Variants in LRIG2 observed in about 807,000 individuals in gnomAD.
LRIG2 encodes the protein leucine rich repeats and immunoglobulin like domains 2.
LRIG2 carries 93 observed loss-of-function variants against 107.8 expected under a neutral mutation model. The ratio of observed to expected loss-of-function variants is 0.86; its 90% CI spans 0.73 to 1.03. The LOEUF is 1.03. Among genes scored for constraint, LRIG2 ranks in the 50% least tolerant of loss-of-function variants. The probability of loss-of-function intolerance (pLI) is 0.00; values close to 1 mark genes in which losing one functional copy is unlikely to be tolerated. For synonymous variants in LRIG2, 471 were observed against 470.6 expected (o/e 1.00, Z -0.01); for missense variants, 1,226 against 1,296.0 (o/e 0.95, Z 0.83).
chr1:113,099,489 C>T (rs1319021194), intron 9 of LRIG2, among the ~76,000 whole-genome samples: 1 of 151,880 alleles, frequency 6.6e-6, no homozygotes, highest in Non-Finnish European at 1.5e-5. Flanking sequence ...ATCCTCCCAC[C>T]TTGGCCTCCC....
At chr1:113,092,337 T>A (rs1356920842) in intron 2 of LRIG2, among the ~76,000 whole-genome samples, 2 of 152,198 alleles carry the variant, frequency 1.3e-5, no homozygotes, top group Non-Finnish European at 2.9e-5. Flanking sequence ...TACTAAAACA[T>A]TTGAGACAAA....
At chr1:113,090,223 TTG>T (rs1423872685) in intron 1 of LRIG2, among the ~76,000 whole-genome samples, 2 of 152,108 alleles carry the variant, frequency 1.3e-5, no homozygotes, top group Non-Finnish European at 2.9e-5. Context: ...GTGTAAATTG[TTG>T]TGTCATTTCT....
chr1:113,080,300 T>C (rs1472931336), intron 1 of LRIG2, among the ~76,000 whole-genome samples: 1 of 152,122 alleles, frequency 6.6e-6, no homozygotes, highest in African/African-American at 2.4e-5. Flanking sequence ...ATTACAGGCG[T>C]GAGCCACTGC....
At chr1:113,123,809 G>A in intron 17 of LRIG2, 66 bp from the exon 18 acceptor site, 1 of 1,255,948 alleles carries the variant, frequency 8.0e-7, no homozygotes, top group South Asian at 1.3e-5. Flanking sequence ...ATTTCTTTGA[G>A]GATTTGGCTA....
rs1376769551 is a variant in LRIG2 at position 113,128,466 on chromosome 1, T to TTTTTCTA, written c.*4366_*4372dup. ...TTTTCTCATTTATGAAATGAGGACA[T>TTTTTCTA]TTTTCTAGATGCTGTAAAGCCCTTT... On this transcript the variant is annotated 3_prime_UTR_variant, in exon 18 of 18. Transcript: ENST00000361127. The TTTTTCTA allele has an allele frequency of 6.6e-6, 1 of 152,200 alleles. No individual in the cohort carries two copies. The highest frequency in any genetic ancestry group is 1.5e-5 in the Non-Finnish European group (1 of 68,030). The allele number at this position is 152,200 out of a possible 1,614,324, so 9.4% of individuals were successfully genotyped here.
At chr1:113,110,584 T>A (rs769099419) in intron 13 of LRIG2, 22 bp downstream of exon 13, 47 of 1,496,344 alleles carry the variant, frequency 3.1e-5, no homozygotes, top group Non-Finnish European at 3.4e-5. Flanking sequence ...TGCTCCTTGA[T>A]TTTTTTTAGT....
intron 17 of LRIG2, among the ~76,000 whole-genome samples, chr1:113,121,806 CTG>C (rs1435720665): frequency 2.6e-5 from 4 of 151,566 alleles, no homozygotes; most frequent in Non-Finnish European, 5.9e-5. Flanking sequence ...GCAAAGTATA[CTG>C]TGATACTCCC....
At chr1:113,073,783 T>C (rs1652824826) in intron 1 of LRIG2, 138 bp downstream of exon 1, 1 of 807,126 alleles carries the variant, frequency 1.2e-6, no homozygotes, top group Admixed American at 2.9e-5. Context: ...GTCAGGATTT[T>C]ATGAACTTTG....
Position 113,073,306 on chromosome 1 carries a change from G to A in LRIG2, c.-101G>A. The A allele has an allele frequency of 1.0e-6, 1 of 962,590 alleles. No individual in the cohort carries two copies. Among genetic ancestry groups the A allele is most frequent in the Non-Finnish European group, 1.6e-6 (1 of 615,502 alleles). The allele number at this position is 962,590 out of a possible 1,614,324, so 59.6% of individuals were successfully genotyped here. On this transcript the variant is annotated 5_prime_UTR_variant, in exon 1 of 18. Transcript: ENST00000361127. ...TGGTACAGCCTTCAGCCGGGGCTTC[G>A]GGAGACAGTGCAGCCACCGAGCATC...
intron 12 of LRIG2, among the ~76,000 whole-genome samples, chr1:113,108,599 G>A (rs992306776): frequency 3.3e-5 from 5 of 151,714 alleles, no homozygotes; most frequent in East Asian, 3.9e-4. Flanking sequence ...CCTTTAGGCC[G>A]GGCACTGTGG....
Position 113,124,082 on chromosome 1 carries a change from A to G in LRIG2, c.3179A>G (p.Asp1060Gly). The change falls in exon 18 of 18, where the codon GAT becomes GGT. Residue 1060 changes from aspartate to glycine, a missense_variant. By Grantham distance (94) the Asp-to-Gly change is moderately conservative (BLOSUM62 -1). Transcript: ENST00000361127. ...TTTAGTAGGACTCGGAACATTCAAGATGGTAGTGAGGGCACATGAAACTCA... is the reference window on the plus strand; with the variant it reads ...TTTAGTAGGACTCGGAACATTCAAGGTGGTAGTGAGGGCACATGAAACTCA... ...FDFSRTRNIQDGSEGT is the reference protein window; with the variant it reads ...FDFSRTRNIQGGSEGT The G allele has an allele frequency of 1.9e-6, 3 of 1,614,166 alleles. No homozygotes were observed. The highest frequency in any genetic ancestry group is 2.5e-6 in the Non-Finnish European group (3 of 1,180,012).
At chr1:113,094,984 A>ATATATATT (rs138090493) in intron 6 of LRIG2, among the ~76,000 whole-genome samples, 1 of 139,682 alleles carries the variant, frequency 7.2e-6, no homozygotes, top group Non-Finnish European at 1.6e-5. Context: ...ATATATATAT[A>ATATATATT]TTTTTTTTGA....
In LRIG2 at chr1:113,110,373, A is replaced by G. The variant is rs765454092; in HGVS notation, c.1609A>G (p.Ser537Gly). 6.2e-6 allele frequency: 10 copies of G among 1,614,224 alleles called. No individual in the cohort carries two copies. The South Asian group carries it at 9.9e-5, about 16-fold the overall frequency. Residue 537 changes from serine to glycine, a missense_variant, in exon 13 of 18, where the codon AGT becomes GGT. Physicochemically the swap from Ser to Gly is moderately conservative, Grantham distance 56. This residue lies in a region of LRIG2 where 642 missense variants were observed against 712.2 expected (regional missense o/e 0.90). Transcript: ENST00000361127. Reference sequence around the variant, plus strand: ...CATGTCCACTGTGTGGCGCAAAGACAGTGAAATCCTGTATGACGTGGATAC... The same window carrying G: ...CATGTCCACTGTGTGGCGCAAAGACGGTGAAATCCTGTATGACGTGGATAC... ...SPMSTVWRKD[S>G]EILYDVDTEN...
chr1:113,108,663 G>A (rs886749411), intron 12 of LRIG2, among the ~76,000 whole-genome samples: 1 of 151,724 alleles, frequency 6.6e-6, no homozygotes, highest in African/African-American at 2.4e-5. Flanking sequence ...GGTCATCTGG[G>A]GTCTGGAGTT....
chr1:113,093,100 T>C, intron 2 of LRIG2, 106 bp from the exon 3 acceptor site: 1 of 668,902 alleles, frequency 1.5e-6, no homozygotes, highest in Non-Finnish European at 2.6e-6. Context: ...ATATTCTTTT[T>C]CAAATTTGGC....
chr1:113,095,742 T>C (rs893618123), intron 6 of LRIG2, 132 bp from the exon 7 acceptor site: 1 of 765,494 alleles, frequency 1.3e-6, no homozygotes, highest in Non-Finnish European at 2.1e-6. Context: ...TCATTTTTAT[T>C]GAATAGAATT....
At chr1:113,086,280 C>T (rs888343548) in intron 1 of LRIG2, among the ~76,000 whole-genome samples, 9 of 152,108 alleles carry the variant, frequency 5.9e-5, no homozygotes, top group African/African-American at 9.7e-5. Flanking sequence ...GCTGTGATTA[C>T]AGGCATGAGC....
At chr1:113,087,638 T>C (rs1653616907) in intron 1 of LRIG2, among the ~76,000 whole-genome samples, 1 of 152,156 alleles carries the variant, frequency 6.6e-6, no homozygotes, top group Non-Finnish European at 1.5e-5. Context: ...TGTGAGCCAC[T>C]GCGCCTGGCC....
At position 113,091,388 on chromosome 1, in the gene LRIG2, G is replaced by C. The variant is rs776150631; in HGVS notation, c.305+5G>C. ...ATCACAAACATTACAGGAAGTGTAA[G>C]TTATTTTTATTTATTTAAAGTTATG... On this transcript the variant is annotated splice_donor_5th_base_variant and intron_variant, in intron 2 of 17. Coordinates refer to ENST00000361127, the MANE Select transcript of LRIG2 (RefSeq NM_014813.3). The C allele has an allele frequency of 1.7e-5, 27 of 1,560,128 alleles. No individual in the cohort carries two copies. The highest frequency in any genetic ancestry group is 1.8e-5 in the Non-Finnish European group (21 of 1,143,220).
Sources: gnomAD v4.1 joint callset for allele counts (sites outside exome capture counted in the v4.1 genomes callset) on GRCh38, gnomAD v4.1.1 for gene constraint, gnomAD v4.1.1 regional missense constraint, MANE v1.5 for transcripts, NCBI Gene and HGNC (gene_info 2026-07-23, HGNC 2026-07-21) for gene names.